Variants in PDE10A observed in about 807,000 individuals in gnomAD.
The protein encoded by PDE10A is cAMP and cAMP-inhibited cGMP 3',5'-cyclic phosphodiesterase 10A.
In PDE10A, 39 loss-of-function variants were observed where a neutral mutation model predicts 97.7. The observed-to-expected ratio is 0.40, with a 90% CI of 0.31 to 0.52. The LOEUF (loss-of-function observed/expected upper bound fraction) is 0.52, where lower values mean the gene tolerates loss of function less well. PDE10A is among the 20% of genes least tolerant of loss of function. The probability of loss-of-function intolerance (pLI) is 0.56; values close to 1 mark genes in which losing one functional copy is unlikely to be tolerated. For missense variants in PDE10A, 731 were observed against 1,047.8 expected, an observed-to-expected ratio of 0.70 and a Z score of 4.17; for synonymous variants, 371 against 376.8, an observed-to-expected ratio of 0.98 and a Z score of 0.18.
intron 1 of PDE10A, among the ~76,000 whole-genome samples, chr6:165,927,678 A>ATATATATATATATAT (rs1562801740): frequency 8.4e-5 from 10 of 118,516 alleles, no homozygotes; most frequent in East Asian, 2.4e-4. Context: ...ATATATATAT[A>ATATATATATATATAT]GTTTTTTGTT....
intron 18 of PDE10A, among the ~76,000 whole-genome samples, chr6:165,367,159 G>C (rs1025526834): frequency 6.6e-5 from 10 of 151,622 alleles, no homozygotes; most frequent in Admixed American, 3.3e-4. Flanking sequence ...AATTTCAGGA[G>C]AAACATAGCA....
chr6:165,791,970 A>C (rs993732395), intron 1 of PDE10A, among the ~76,000 whole-genome samples: 4 of 152,188 alleles, frequency 2.6e-5, no homozygotes, highest in Non-Finnish European at 5.9e-5. Flanking sequence ...ATCGGCCGTG[A>C]AACCACGATG....
chr6:165,450,221 G>A, intron 4 of PDE10A, 21 bp downstream of exon 4: 3 of 1,511,328 alleles, frequency 2.0e-6, no homozygotes, highest in African/African-American at 1.4e-5. Context: ...TTTTCTAACA[G>A]GAACACAAAA....
intron 1 of PDE10A, among the ~76,000 whole-genome samples, chr6:165,735,092 GTAGA>G (rs1252683260): frequency 3.3e-5 from 5 of 151,822 alleles, no homozygotes; most frequent in African/African-American, 9.7e-5. Context: ...TTGTAGGTAG[GTAGA>G]TAGGTAGGCA....
At chr6:165,928,936 G>A (rs1324310410) in intron 1 of PDE10A, among the ~76,000 whole-genome samples, 3 of 152,194 alleles carry the variant, frequency 2.0e-5, no homozygotes, top group Non-Finnish European at 4.4e-5. Flanking sequence ...GATGAGAGAC[G>A]AAGAACTAAA....
At chr6:165,549,626 A>G (rs1384340046) in intron 1 of PDE10A, among the ~76,000 whole-genome samples, 1 of 152,112 alleles carries the variant, frequency 6.6e-6, no homozygotes, top group Non-Finnish European at 1.5e-5. Flanking sequence ...GCGCGGCTGC[A>G]TTATTATGTT....
intron 1 of PDE10A, among the ~76,000 whole-genome samples, chr6:165,863,946 C>T (rs1405813970): frequency 1.3e-5 from 2 of 152,150 alleles, no homozygotes; most frequent in Non-Finnish European, 2.9e-5. Context: ...ACTGAGTGTC[C>T]TTAAGGCATA....
At chr6:165,756,950 C>A (rs2128457127) in intron 1 of PDE10A, among the ~76,000 whole-genome samples, 1 of 149,446 alleles carries the variant, frequency 6.7e-6, no homozygotes, top group African/African-American at 2.5e-5. Context: ...CTCCCTGACC[C>A]CGCTTTTTCC....
chr6:165,664,412 C>T (rs1359360846), upstream of PDE10A, among the ~76,000 whole-genome samples: 4 of 152,190 alleles, frequency 2.6e-5, no homozygotes, highest in African/African-American at 9.6e-5. Context: ...AGTTGGGATG[C>T]AAAGGACATG....
chr6:165,987,621 A>G, exon 1 of PDE10A: 1 of 420,336 alleles, frequency 2.4e-6, no homozygotes, highest in Non-Finnish European at 4.7e-6. Context: ...AAAAGAAAAA[A>G]AAAGGCAAGG....
chr6:165,867,618 C>T (rs73038001), intron 1 of PDE10A, among the ~76,000 whole-genome samples: 5,542 of 151,978 alleles, frequency 0.036, 121 homozygotes, highest in Non-Finnish European at 0.049. Context: ...TGACATAACA[C>T]CTAGACAGAA....
intron 1 of PDE10A, among the ~76,000 whole-genome samples, chr6:165,928,081 T>C: frequency 6.6e-6 from 1 of 151,048 alleles, no homozygotes; most frequent in East Asian, 1.9e-4. Flanking sequence ...TATTTAATAT[T>C]TATATGTAAT....
At chr6:165,739,592 TC>T (rs549688114) in intron 1 of PDE10A, among the ~76,000 whole-genome samples, 13 of 151,892 alleles carry the variant, frequency 8.6e-5, no homozygotes, top group South Asian at 8.3e-4. Context: ...ATTTTTTTTT[TC>T]ATATGACCCC....
chr6:165,946,472 T>A (rs1783769609), intron 1 of PDE10A, among the ~76,000 whole-genome samples: 2 of 148,278 alleles, frequency 1.3e-5, no homozygotes, highest in South Asian at 2.1e-4. Context: ...CCAGCCTGGG[T>A]GACAGAGCAA....
At chr6:165,540,819 AG>A (rs1425689535) in intron 2 of PDE10A, among the ~76,000 whole-genome samples, 1 of 152,094 alleles carries the variant, frequency 6.6e-6, no homozygotes, top group Non-Finnish European at 1.5e-5. Context: ...TAGTAGAGTC[AG>A]GGTTTCACCA....
chr6:165,903,184 AG>A, intron 1 of PDE10A, among the ~76,000 whole-genome samples: 1 of 152,322 alleles, frequency 6.6e-6, no homozygotes, highest in East Asian at 1.9e-4. Flanking sequence ...GAATTTTGTA[AG>A]GGTTCGAATT....
intron 1 of PDE10A, among the ~76,000 whole-genome samples, chr6:165,930,769 T>C (rs552526860): frequency 1.3e-5 from 2 of 152,332 alleles, no homozygotes; most frequent in East Asian, 1.9e-4. Context: ...AGCACTTTAA[T>C]TGCCCATGTT....
At chr6:165,484,681 G>T (rs1779800715) in intron 2 of PDE10A, among the ~76,000 whole-genome samples, 1 of 152,208 alleles carries the variant, frequency 6.6e-6, no homozygotes, top group Admixed American at 6.5e-5. Flanking sequence ...TCAGTGAGGG[G>T]CAAGTGACAA....
intron 1 of PDE10A, among the ~76,000 whole-genome samples, chr6:165,968,338 T>C (rs1426865355): frequency 2.0e-5 from 3 of 152,296 alleles, no homozygotes; most frequent in Admixed American, 6.5e-5. Flanking sequence ...CGGACTGTGG[T>C]GGATGGTGTC....
Sources: gnomAD v4.1 joint callset for allele counts (sites outside exome capture counted in the v4.1 genomes callset) on GRCh38, gnomAD v4.1.1 for gene constraint, MANE v1.5 for transcripts, NCBI Gene and HGNC (gene_info 2026-07-23, HGNC 2026-07-21) for gene names.